The following OPHN1 variants were observed in gnomAD, a reference collection of about 807,000 sequenced individuals.
The protein encoded by OPHN1 is oligophrenin 1.
OPHN1 carries 11 observed loss-of-function variants against 60.7 expected under a neutral mutation model. That is an observed-to-expected ratio of 0.18 (90% confidence interval 0.11 to 0.30). The LOEUF (loss-of-function observed/expected upper bound fraction) is 0.30. Among genes scored for constraint, OPHN1 ranks in the 10% least tolerant of loss-of-function variants. OPHN1 has a pLI of 1.00. For missense variants in OPHN1, 449 were observed against 611.0 expected (o/e 0.73, Z 2.80); for synonymous variants, 226 against 222.6 (o/e 1.02, Z -0.14).
chrX:68,433,666 AGACTTCTTCCT>A (rs2078897567), upstream of OPHN1: 3 of 295,883 alleles, frequency 1.0e-5, no homozygotes, highest in Admixed American at 1.8e-4. Context: ...CTGGCTGCTA[AGACTTCTTCCT>A]GGTGCAAGGG....
chrX:68,047,527 AG>A (rs2076836247), intron 24 of OPHN1, among the ~76,000 whole-genome samples: 1 of 111,713 alleles, frequency 9.0e-6, no homozygotes, highest in Non-Finnish European at 1.9e-5. Flanking sequence ...TCACCTCCAT[AG>A]GGGCTGATAA....
At chrX:68,071,510 AT>A (rs905238461) in intron 20 of OPHN1, 3 of 690,305 alleles carry the variant, frequency 4.3e-6, no homozygotes, top group Non-Finnish European at 7.1e-6. Context: ...CCCAGCAGAG[AT>A]TTGAATTCTA....
intron 5 of OPHN1, among the ~76,000 whole-genome samples, chrX:68,253,642 A>T (rs1247956100): frequency 2.7e-5 from 3 of 111,905 alleles, no homozygotes; most frequent in Non-Finnish European, 5.6e-5. Context: ...TTTCAGTTAA[A>T]TTTTTTAAAA....
chrX:68,411,185 GT>G (rs2078767517), intron 2 of OPHN1, among the ~76,000 whole-genome samples: 1 of 111,684 alleles, frequency 9.0e-6, no homozygotes, highest in South Asian at 3.8e-4. Flanking sequence ...ACAAGTGCAG[GT>G]TTATTATATA....
At chrX:68,400,755 C>A (rs1160672549) in intron 2 of OPHN1, among the ~76,000 whole-genome samples, 1 of 109,244 alleles carries the variant, frequency 9.2e-6, no homozygotes, top group Admixed American at 9.9e-5. Flanking sequence ...GCGTGCACCA[C>A]CATGCCTGGC....
intron 6 of OPHN1, among the ~76,000 whole-genome samples, chrX:68,228,015 G>A (rs909202030): frequency 9.0e-6 from 1 of 111,185 alleles, no homozygotes; most frequent in Non-Finnish European, 1.9e-5. Context: ...CTGCTAGCAA[G>A]ACTAATAAAG....
intron 2 of OPHN1, among the ~76,000 whole-genome samples, chrX:68,354,881 T>C (rs2078432899): frequency 8.9e-6 from 1 of 112,064 alleles, no homozygotes; most frequent in African/African-American, 3.2e-5. Flanking sequence ...CCCTAATTAT[T>C]TCCTATCTGC....
intron 3 of OPHN1, among the ~76,000 whole-genome samples, chrX:68,288,528 CAAG>C (rs2078055654): frequency 9.0e-6 from 1 of 111,520 alleles, no homozygotes; most frequent in Non-Finnish European, 1.9e-5. Flanking sequence ...TTTGGGAGGC[CAAG>C]GAGGATGGAT....
At chrX:68,084,234 G>A (rs968636979) in intron 19 of OPHN1, among the ~76,000 whole-genome samples, 3 of 105,571 alleles carry the variant, frequency 2.8e-5, no homozygotes, top group African/African-American at 1.0e-4. Flanking sequence ...CACTCAGTAA[G>A]TGGTAGTTAT....
Position 68,219,426 on chromosome X carries a change from G to A in OPHN1, c.487-5454C>T, listed in dbSNP as rs181559754. On this transcript the variant is annotated intron_variant, in intron 6 of 24. Coordinates refer to ENST00000355520, the MANE Select transcript of OPHN1 (RefSeq NM_002547.3). ...AATTGAACTCAGCTCTGTACCAAGC[G>A]GACCTAATAGACATCTACAGAACTC... Among the ~76,000 whole-genome samples the A allele has an allele frequency of 4.5e-4, 47 of 103,707 alleles. No individual in the cohort carries two copies. The South Asian group carries it at 0.013, about 29-fold the overall frequency. The allele number at this position is 103,707 out of a possible 115,157, so 90.1% of individuals were successfully genotyped here. A position where few individuals can be genotyped will look rare whatever the true frequency, so the allele number is the denominator to read the frequency against.
At position 68,393,424 on chromosome X, in the gene OPHN1, G is replaced by A. The variant is rs373545346; in HGVS notation, c.154+39443C>T. The stretch of plus-strand genomic sequence containing the variant: ...TCCTGCCTCAGGCTCTCAAGTAGCT[G>A]GGACCACAGGCACACACCACCACAC... On this transcript the variant is annotated intron_variant, in intron 2 of 24. Coordinates refer to ENST00000355520, the MANE Select transcript of OPHN1 (RefSeq NM_002547.3). Among the ~76,000 whole-genome samples, 13 of 111,374 alleles carry A rather than the reference G, an allele frequency of 1.2e-4. No homozygotes were observed. The East Asian group carries it at 2.8e-3, about 24-fold the overall frequency.
At chrX:68,400,912 TTTG>T (rs1390806740) in intron 2 of OPHN1, among the ~76,000 whole-genome samples, 1 of 111,382 alleles carries the variant, frequency 9.0e-6, no homozygotes, top group Non-Finnish European at 1.9e-5. Context: ...AGGCATGTCT[TTTG>T]TTGTTGTTAT....
intron 10 of OPHN1, among the ~76,000 whole-genome samples, chrX:68,202,333 T>C (rs1436820829): frequency 5.4e-5 from 6 of 111,872 alleles, no homozygotes; most frequent in Non-Finnish European, 9.4e-5. Flanking sequence ...AAGGACAGTG[T>C]GGCCCACTTT....
At chrX:68,377,096 AT>A (rs35459211) in intron 2 of OPHN1, among the ~76,000 whole-genome samples, 13,537 of 83,441 alleles carry the variant, frequency 0.16, 1,483 homozygotes, top group African/African-American at 0.35. Context: ...CATGCAGCTA[AT>A]TTTTTTTTTT....
At chrX:68,426,837 C>T (rs2078861012) in intron 2 of OPHN1, among the ~76,000 whole-genome samples, 1 of 96,790 alleles carries the variant, frequency 1.0e-5, no homozygotes, top group Non-Finnish European at 2.1e-5. Context: ...TGCCACTGTA[C>T]TTAAAAGTAT....
At chrX:68,362,580 C>T (rs980885305) in intron 2 of OPHN1, among the ~76,000 whole-genome samples, 4 of 111,030 alleles carry the variant, frequency 3.6e-5, no homozygotes, top group Admixed American at 9.7e-5. Context: ...AGCCGTTCTA[C>T]GTGTATACAT....
chrX:68,374,216 C>T (rs991365923), intron 2 of OPHN1, among the ~76,000 whole-genome samples: 8 of 109,262 alleles, frequency 7.3e-5, no homozygotes, highest in East Asian at 2.9e-4. Context: ...ATTAGCTGGG[C>T]GTGGTGCCGC....
chrX:68,198,471 A>G (rs1219049603), intron 11 of OPHN1, among the ~76,000 whole-genome samples: 1 of 111,713 alleles, frequency 9.0e-6, no homozygotes, highest in Non-Finnish European at 1.9e-5. Flanking sequence ...AACATCACAA[A>G]TGGACTAAGA....
intron 2 of OPHN1, among the ~76,000 whole-genome samples, chrX:68,317,009 C>T (rs1403343001): frequency 1.8e-5 from 2 of 110,480 alleles, no homozygotes; most frequent in Non-Finnish European, 3.8e-5. Flanking sequence ...AACTAGAAAT[C>T]AGTAACAGGC....
Sources: gnomAD v4.1 joint callset for allele counts (sites outside exome capture counted in the v4.1 genomes callset) on GRCh38, gnomAD v4.1.1 for gene constraint, MANE v1.5 for transcripts, NCBI Gene and HGNC (gene_info 2026-07-23, HGNC 2026-07-21) for gene names.